Variants in GSG1L observed in about 807,000 individuals in gnomAD.
The protein encoded by GSG1L is germ cell-specific gene 1-like protein.
GSG1L carries 24 observed loss-of-function variants against 42.1 expected under a neutral mutation model. That is an observed-to-expected ratio of 0.57 (90% CI 0.41 to 0.80). The LOEUF is 0.80. GSG1L is among the 30% of genes least tolerant of loss of function. The probability of loss-of-function intolerance (pLI) is 0.00; values close to 1 mark genes in which losing one functional copy is unlikely to be tolerated. For missense variants in GSG1L, 445 were observed against 472.2 expected (o/e 0.94, Z 0.53); for synonymous variants, 215 against 203.5 (o/e 1.06, Z -0.48).
chr16:27,796,381 T>A (rs2082818016), intron 6 of GSG1L, among the ~76,000 whole-genome samples: 1 of 152,244 alleles, frequency 6.6e-6, no homozygotes, highest in Non-Finnish European at 1.5e-5. Context: ...CTCATCGCTC[T>A]TCTAGGTCCA....
In GSG1L at chr16:28,002,658, CGGT is replaced by C. The variant is rs2085590684; in HGVS notation, c.350-39458_350-39456del. On this transcript the variant is annotated intron_variant, in intron 1 of 6. Coordinates refer to ENST00000447459, the MANE Select transcript of GSG1L (RefSeq NM_001109763.2). ...TAAAAAGAAAAAAAGAGGCCAGGCG[CGGT>C]GGCTCACGCCTGTAATCCCAGCATT... Among the ~76,000 whole-genome samples, 3 of 152,020 alleles carry C rather than the reference CGGT, an allele frequency of 2.0e-5. No individual in the cohort carries two copies. The South Asian group carries it at 6.2e-4, about 32-fold the overall frequency.
intron 5 of GSG1L, chr16:27,824,006 T>C (rs1257859562): frequency 2.9e-6 from 2 of 692,752 alleles, no homozygotes; most frequent in Non-Finnish European, 5.3e-6. Context: ...AGGAGAGCCT[T>C]ATACAGGGCC....
rs112153687 is a variant in GSG1L at position 27,806,929 on chromosome 16, G to A, written c.898+558C>T. ...CAGAGTGGGATGGGGTGGGGAACAC[G>A]TGGTGGGCATTACAGCAGGCTCAGC... On this transcript the variant is annotated intron_variant, in intron 6 of 6. Transcript: ENST00000447459. 1.9e-3 allele frequency among the ~76,000 whole-genome samples: 292 copies of A among 152,298 alleles called. 2 individuals are homozygous for A. The highest frequency in any genetic ancestry group is 6.9e-3 in the African/African-American group (285 of 41,558).
intron 4 of GSG1L, among the ~76,000 whole-genome samples, chr16:27,837,809 C>T (rs2083336479): frequency 6.6e-6 from 1 of 150,594 alleles, no homozygotes; most frequent in African/African-American, 2.4e-5. Context: ...GTGGGCTGAC[C>T]CTTTCTTGGT....
intron 6 of GSG1L, among the ~76,000 whole-genome samples, chr16:27,801,216 A>G (rs2144411125): frequency 6.6e-6 from 1 of 152,286 alleles, no homozygotes; most frequent in African/African-American, 2.4e-5. Flanking sequence ...GGAGCCTGAG[A>G]AGGAGTGGCC....
At chr16:27,892,495 G>A (rs2084141139) in intron 2 of GSG1L, among the ~76,000 whole-genome samples, 1 of 151,814 alleles carries the variant, frequency 6.6e-6, no homozygotes, top group Non-Finnish European at 1.5e-5. Flanking sequence ...CGGGCTTGGT[G>A]GCTCACGCCT....
intron 1 of GSG1L, among the ~76,000 whole-genome samples, chr16:28,037,438 C>A (rs1334028239): frequency 6.6e-6 from 1 of 152,180 alleles, no homozygotes; most frequent in African/African-American, 2.4e-5. Flanking sequence ...TCCAGAAGAC[C>A]CACTCCAGTT....
intron 3 of GSG1L, among the ~76,000 whole-genome samples, chr16:27,861,610 T>G (rs902936711): frequency 5.3e-5 from 8 of 152,124 alleles, no homozygotes; most frequent in Non-Finnish European, 1.2e-4. Context: ...CTACCAGTAG[T>G]GCACTGATAG....
intron 3 of GSG1L, among the ~76,000 whole-genome samples, chr16:27,846,511 G>T (rs920758696): frequency 2.6e-5 from 4 of 152,154 alleles, no homozygotes; most frequent in Non-Finnish European, 2.9e-5. Context: ...TGAACTATTA[G>T]TTTAGAAAAG....
chr16:27,972,706 C>A (rs1322611318), intron 1 of GSG1L, among the ~76,000 whole-genome samples: 2 of 152,150 alleles, frequency 1.3e-5, no homozygotes, highest in South Asian at 2.1e-4. Flanking sequence ...AATCAATTTA[C>A]GTGATTCTTA....
rs572902196 is a variant in GSG1L, at chr16:27,881,043, G to A, written c.550+3443C>T. Among the ~76,000 whole-genome samples the A allele has an allele frequency of 3.3e-5, 5 of 152,198 alleles. No homozygotes were observed. The South Asian group carries it at 6.2e-4, about 19-fold the overall frequency. On this transcript the variant is annotated intron_variant, in intron 3 of 6. Transcript: ENST00000447459. ...GATAGCCGAGGGATCTCCCAGGTCA[G>A]GGTCCCTCTGACCATCTGACCCCTT...
At chr16:27,806,419 C>T (rs535693534) in intron 6 of GSG1L, among the ~76,000 whole-genome samples, 7 of 152,316 alleles carry the variant, frequency 4.6e-5, no homozygotes, top group Admixed American at 3.9e-4. Flanking sequence ...GTTTGGATTC[C>T]CCAGCAGCAG....
chr16:27,984,369 G>C (rs931427631), intron 1 of GSG1L, among the ~76,000 whole-genome samples: 3 of 152,140 alleles, frequency 2.0e-5, no homozygotes, highest in African/African-American at 7.2e-5. Context: ...TCGCAGGGTA[G>C]CCAGCCACTT....
intron 3 of GSG1L, among the ~76,000 whole-genome samples, chr16:27,853,734 A>C (rs1323535634): frequency 6.6e-6 from 1 of 152,120 alleles, no homozygotes; most frequent in Non-Finnish European, 1.5e-5. Context: ...TAATGGGTTT[A>C]CTGAACTTCC....
At chr16:28,008,955 C>T (rs1228323561) in intron 1 of GSG1L, among the ~76,000 whole-genome samples, 1 of 151,888 alleles carries the variant, frequency 6.6e-6, no homozygotes, top group East Asian at 1.9e-4. Flanking sequence ...ATTACAGTTA[C>T]CCGCCACCAC....
At chr16:27,833,581 T>C (rs1427699311) in intron 4 of GSG1L, among the ~76,000 whole-genome samples, 1 of 152,330 alleles carries the variant, frequency 6.6e-6, no homozygotes, top group East Asian at 1.9e-4. Flanking sequence ...GAACATAGTA[T>C]ATCTACCCAT....
chr16:27,884,305 A>G lies in GSG1L; in HGVS notation c.550+181T>C, dbSNP rs75848061. Among the ~76,000 whole-genome samples, 24,420 of 152,064 alleles carry G rather than the reference A, an allele frequency of 0.16. 3,121 individuals carry two copies. The highest frequency in any genetic ancestry group is 0.32 in the African/African-American group (13,405 of 41,394). ...AGCCTTAGTACCTGGTCTGGTGCTT[A>G]GCATGTATTAGATGCTCAGTCAATA... On this transcript the variant is annotated intron_variant, in intron 3 of 6. Transcript: ENST00000447459. The surrounding 1 kb of genome is among the most constrained non-coding windows in gnomAD (Gnocchi z 4.4).
chr16:27,893,704 C>G (rs772250613), intron 2 of GSG1L, among the ~76,000 whole-genome samples: 1 of 152,068 alleles, frequency 6.6e-6, no homozygotes, highest in Non-Finnish European at 1.5e-5. Flanking sequence ...CTCAGCCTCC[C>G]GAGTAGCTGG....
At chr16:27,952,060 A>T (rs2084956264) in intron 2 of GSG1L, among the ~76,000 whole-genome samples, 1 of 152,222 alleles carries the variant, frequency 6.6e-6, no homozygotes, top group African/African-American at 2.4e-5. Flanking sequence ...GGGAGCAGGG[A>T]TGACTTAAAA....
Sources: gnomAD v4.1 joint callset for allele counts (sites outside exome capture counted in the v4.1 genomes callset) on GRCh38, gnomAD v4.1.1 for gene constraint, Gnocchi (gnomAD v3.1) non-coding constraint, MANE v1.5 for transcripts, NCBI Gene and HGNC (gene_info 2026-07-23, HGNC 2026-07-21) for gene names.